MTPAP: variants seen among roughly 807,000 people sequenced by gnomAD.
The protein encoded by MTPAP is poly(A) RNA polymerase, mitochondrial.
In MTPAP, 23 loss-of-function variants were observed where a neutral mutation model predicts 48.7. The observed-to-expected ratio is 0.47, with a 90% CI of 0.34 to 0.67. MTPAP has a LOEUF of 0.67. MTPAP is among the 30% of genes least tolerant of loss of function. The probability of loss-of-function intolerance (pLI) is 0.01; values close to 1 mark genes in which losing one functional copy is unlikely to be tolerated. For synonymous variants in MTPAP, 257 were observed against 254.1 expected (o/e 1.01, Z -0.11); for missense variants, 614 against 694.3 (o/e 0.88, Z 1.30).
At chr10:30,327,822 G>T (rs1326307981) in intron 4 of MTPAP, among the ~76,000 whole-genome samples, 1 of 150,840 alleles carries the variant, frequency 6.6e-6, no homozygotes, top group Non-Finnish European at 1.5e-5. Context: ...CTCCAGCCTG[G>T]GTGACAAAGC....
intron 1 of MTPAP, among the ~76,000 whole-genome samples, chr10:30,347,555 A>T (rs564139466): frequency 1.6e-4 from 24 of 152,382 alleles, no homozygotes; most frequent in African/African-American, 5.8e-4. Flanking sequence ...AAAGAAAAAT[A>T]GCAAAGCTAC....
chr10:30,340,108 G>C lies in MTPAP; in HGVS notation c.555+118C>G, dbSNP rs74443112. The C allele has an allele frequency of 0.014, 12,313 of 896,980 alleles. 1,023 individuals are homozygous for C. The African/African-American group carries it at 0.18, about 13-fold the overall frequency. 55.6% of individuals were successfully genotyped at this position (896,980 alleles called of 1,614,324 possible). On this transcript the variant is annotated intron_variant, in intron 3 of 8. Coordinates refer to ENST00000263063, the MANE Select transcript of MTPAP (RefSeq NM_018109.4). ...TCATCTCCGTAACTCTTTTCACCTT[G>C]TAAAACTGAAGATCTATACCCATTA...
chr10:30,343,400 T>C (rs376010074), intron 1 of MTPAP, among the ~76,000 whole-genome samples: 2 of 142,174 alleles, frequency 1.4e-5, no homozygotes, highest in Non-Finnish European at 3.0e-5. Context: ...AGAGGGAGAC[T>C]GTCTCAAAAA....
rs1840621542 is a variant in MTPAP at position 30,313,420 on chromosome 10, G to A, written c.*189C>T. 1.4e-6 allele frequency: 1 copy of A among 724,616 alleles called. No individual in the cohort carries two copies. The highest frequency in any genetic ancestry group is 2.3e-6 in the Non-Finnish European group (1 of 438,278). The allele number at this position is 724,616 out of a possible 1,614,324, so 44.9% of individuals were successfully genotyped here. ...GCTGATGTTTTAATAAAGTGCCACT[G>A]AGTATCAGACTGATCAAACTGAAAA... On this transcript the variant is annotated 3_prime_UTR_variant, in exon 9 of 9. Transcript: ENST00000263063.
intron 8 of MTPAP, among the ~76,000 whole-genome samples, chr10:30,314,901 AAAAAGAAG>A (rs1438327402): frequency 0.065 from 9,593 of 146,628 alleles, 991 homozygotes; most frequent in African/African-American, 0.24. Flanking sequence ...AAAAAAAAAA[AAAAAGAAG>A]AGAAAAGAAA....
chr10:30,342,445 G>A (rs1834822317), intron 1 of MTPAP, among the ~76,000 whole-genome samples: 1 of 149,692 alleles, frequency 6.7e-6, no homozygotes, highest in Non-Finnish European at 1.5e-5. Flanking sequence ...CACTTTCAGT[G>A]TTCGTTTGAC....
At chr10:30,333,924 T>C (rs559296991) in intron 4 of MTPAP, among the ~76,000 whole-genome samples, 1 of 152,172 alleles carries the variant, frequency 6.6e-6, no homozygotes, top group East Asian at 1.9e-4. Context: ...ATAATAATTA[T>C]TATTATAATA....
chr10:30,335,481 C>CT (rs1834720348), intron 4 of MTPAP, among the ~76,000 whole-genome samples: 1 of 152,102 alleles, frequency 6.6e-6, no homozygotes, highest in Non-Finnish European at 1.5e-5. Context: ...GCAAGAGACT[C>CT]TATCTCCAAC....
intron 1 of MTPAP, among the ~76,000 whole-genome samples, chr10:30,344,996 G>A (rs775515660): frequency 3.9e-5 from 6 of 152,142 alleles, no homozygotes; most frequent in Admixed American, 2.6e-4. Flanking sequence ...GAGCCATGGC[G>A]CCCGGCCCAA....
chr10:30,332,941 G>GA (rs1834687253), intron 4 of MTPAP, among the ~76,000 whole-genome samples: 1 of 151,908 alleles, frequency 6.6e-6, no homozygotes, highest in South Asian at 2.1e-4. Flanking sequence ...CTAACACGGT[G>GA]AAACTCCATC....
At chr10:30,348,759 C>T in intron 1 of MTPAP, 1 of 257,168 alleles carries the variant, frequency 3.9e-6, no homozygotes, top group Non-Finnish European at 7.7e-6. Context: ...CAGAAATATA[C>T]GTACACGATG....
intron 2 of MTPAP, 143 bp from the exon 3 acceptor site, chr10:30,340,593 C>T (rs962476399): frequency 1.3e-6 from 1 of 746,374 alleles, no homozygotes; most frequent in Non-Finnish European, 2.3e-6. Flanking sequence ...TCTAACATAG[C>T]ATTAATTTTA....
In MTPAP at chr10:30,337,019, A is replaced by G; in HGVS notation, c.564T>C (p.Asp188=). ...ELLCYAESID[D]QLNTLLKEFQ... ...ACTCCTTCAAGAGAGTGTTCAGCTG[A>G]TCGTCTATCTAGCTAGCCGAAACAA... The change falls in exon 4 of 9, where the codon GAT becomes GAC. Residue 188 remains aspartate, a synonymous_variant. Transcript: ENST00000263063. 6.2e-7 allele frequency: 1 copy of G among 1,612,758 alleles called. No individual in the cohort carries two copies. Among genetic ancestry groups the G allele is most frequent in the South Asian group, 1.1e-5 (1 of 91,032 alleles).
intron 3 of MTPAP, among the ~76,000 whole-genome samples, chr10:30,337,359 G>A (rs1448764989): frequency 6.6e-6 from 1 of 152,148 alleles, no homozygotes; most frequent in Non-Finnish European, 1.5e-5. Flanking sequence ...AGGAGGCAGA[G>A]GTTGTGGTGA....
At chr10:30,321,237 G>A (rs13328817) in intron 6 of MTPAP, among the ~76,000 whole-genome samples, 7,584 of 147,582 alleles carry the variant, frequency 0.051, 617 homozygotes, top group African/African-American at 0.18. Context: ...ATCAAATCTA[G>A]CTTTATTTTA....
chr10:30,326,625 T>C lies in MTPAP; in HGVS notation c.791A>G (p.Asn264Ser), dbSNP rs921163748. The change falls in exon 5 of 9, where the codon AAT (asparagine) becomes AGT (serine). Residue 264 changes from asparagine to serine, a missense_variant. Asn to Ser is a conservative substitution (Grantham distance 46). Transcript: ENST00000263063. ...TTTCACTTGAAATTCCATCAGAAAATTTCCTGAGATCTGAAAAATAAACAC... is the reference window on the plus strand; with the variant it reads ...TTTCACTTGAAATTCCATCAGAAAACTTCCTGAGATCTGAAAAATAAACAC... ...RNLSAHKISGNFLMEFQVKNV... is the reference protein window; with the variant it reads ...RNLSAHKISGSFLMEFQVKNV... The C allele has an allele frequency of 1.2e-6, 2 of 1,613,128 alleles. No homozygotes were observed. Among genetic ancestry groups the C allele is most frequent in the Admixed American group, 1.7e-5 (1 of 60,012 alleles).
At chr10:30,346,024 G>A (rs2132872789) in intron 1 of MTPAP, among the ~76,000 whole-genome samples, 1 of 146,336 alleles carries the variant, frequency 6.8e-6, no homozygotes. Context: ...CTGGGTGACT[G>A]AGAGACTCCT....
chr10:30,313,486 A>C lies in MTPAP; in HGVS notation c.*123T>G. On this transcript the variant is annotated 3_prime_UTR_variant, in exon 9 of 9. Transcript: ENST00000263063. Reference sequence around the variant, plus strand: ...GACCAGGTTAAGGGGGCCAATGAGAAGATCATGAAAAGTGACATCAGATGA... The same window carrying C: ...GACCAGGTTAAGGGGGCCAATGAGACGATCATGAAAAGTGACATCAGATGA... 7.3e-7 allele frequency: 1 copy of C among 1,361,642 alleles called. No individual in the cohort carries two copies. Among genetic ancestry groups the C allele is most frequent in the Admixed American group, 1.7e-5 (1 of 58,486 alleles). The allele number at this position is 1,361,642 out of a possible 1,614,324, so 84.3% of individuals were successfully genotyped here.
At chr10:30,316,664 T>C (rs812058) in intron 6 of MTPAP, among the ~76,000 whole-genome samples, 117,979 of 150,786 alleles carry the variant, frequency 0.78, 46,485 homozygotes, top group African/African-American at 0.88. Context: ...CTGAGGCGGG[T>C]AGATCACCTG....
Sources: allele counts gnomAD v4.1 joint callset (sites outside exome capture counted in the v4.1 genomes callset), GRCh38; gene constraint gnomAD v4.1.1; transcripts MANE v1.5; gene names NCBI Gene and HGNC (gene_info 2026-07-23, HGNC 2026-07-21).